The following SMARCA4 variants were observed in gnomAD, a reference collection of about 807,000 sequenced individuals.
SMARCA4 encodes the protein SWI/SNF-related matrix-associated actin-dependent regulator of chromatin subfamily A member 4.
SMARCA4 carries 31 observed loss-of-function variants against 193.9 expected under a neutral mutation model. That is an observed-to-expected ratio of 0.16 (90% CI 0.12 to 0.22). The LOEUF is 0.22. Ranked by LOEUF, SMARCA4 falls within the 10% of genes least tolerant of loss-of-function variation. SMARCA4 has a pLI of 1.00. For missense variants in SMARCA4, 1,148 were observed against 2,296.0 expected, an observed-to-expected ratio of 0.50 and a Z score of 10.22; for synonymous variants, 942 against 933.1, an observed-to-expected ratio of 1.01 and a Z score of -0.17.
intron 1 of SMARCA4, among the ~76,000 whole-genome samples, chr19:10,963,178 A>T (rs187673061): frequency 5.1e-4 from 78 of 151,898 alleles, no homozygotes; most frequent in African/African-American, 1.8e-3. Flanking sequence ...TTTGAGACTA[A>T]CCTGGGCAAC....
At chr19:10,973,005 A>T (rs1365210172) in intron 1 of SMARCA4, among the ~76,000 whole-genome samples, 1 of 151,702 alleles carries the variant, frequency 6.6e-6, no homozygotes, top group East Asian at 1.9e-4. Flanking sequence ...GCTACTTGGG[A>T]GGCCGGGGCA....
In SMARCA4 at chr19:11,003,069, A is replaced by C. The variant is rs2146095781; in HGVS notation, c.1853A>C (p.Lys618Thr). ...ETSQMSDLPV[K>T]VIHVESGKIL... ...AGCCAGATGAGCGACCTCCCGGTGA[A>C]GGTGATCCACGTGGAGAGTGGGAAG... is the stretch of plus-strand genomic sequence containing the variant. The change falls in exon 12 of 35, where the codon AAG (lysine) becomes ACG (threonine). Residue 618 changes from lysine to threonine, a missense_variant. By Grantham distance (78) the Lys-to-Thr change is moderately conservative. This residue lies in a region of SMARCA4 where 115 missense variants were observed against 175.1 expected (regional missense o/e 0.66). Coordinates refer to ENST00000344626, the MANE Select transcript of SMARCA4 (RefSeq NM_003072.5). 6.2e-7 allele frequency: 1 copy of C among 1,614,094 alleles called. No homozygotes were observed. Among genetic ancestry groups the C allele is most frequent in the Non-Finnish European group, 8.5e-7 (1 of 1,179,964 alleles).
rs762963492 is a variant in SMARCA4, at chr19:11,024,323, C to G, written c.2974-8C>G. On this transcript the variant is annotated splice_region_variant and splice_polypyrimidine_tract_variant and intron_variant, in intron 20 of 34. Coordinates refer to ENST00000344626, the MANE Select transcript of SMARCA4 (RefSeq NM_003072.5). ...TGGGCCCTCGTGAGCATTATGTGTCCCCTGCAGGTGGAGTACGTCATCAAG... is the reference window on the plus strand; with the variant it reads ...TGGGCCCTCGTGAGCATTATGTGTCGCCTGCAGGTGGAGTACGTCATCAAG... The G allele has an allele frequency of 5.6e-6, 9 of 1,597,188 alleles. No homozygotes were observed. The highest frequency in any genetic ancestry group is 1.7e-4 in the Middle Eastern group (1 of 6,058).
chr19:11,061,188 TAAAAAAAA>T (rs140377414), intron 34 of SMARCA4, among the ~76,000 whole-genome samples: 1 of 68,858 alleles, frequency 1.5e-5, no homozygotes, highest in Non-Finnish European at 2.4e-5. Flanking sequence ...ACCCTGTCTT[TAAAAAAAA>T]AAAAAAAAAT....
intron 33 of SMARCA4, 52 bp from the exon 34 acceptor site, chr19:11,059,993 G>C (rs2076766928): frequency 6.2e-7 from 1 of 1,608,118 alleles, no homozygotes; most frequent in African/African-American, 1.3e-5. Context: ...TTGCTGTGGG[G>C]GTGCTGCATT....
intron 21 of SMARCA4, among the ~76,000 whole-genome samples, 165 bp from the exon 22 acceptor site, chr19:11,025,257 G>A (rs544162068): frequency 8.6e-5 from 13 of 152,026 alleles, no homozygotes; most frequent in Non-Finnish European, 1.6e-4. Flanking sequence ...GGGGGCCTCC[G>A]GGCCTCCAGC....
chr19:11,001,742 C>T (rs149449958), intron 11 of SMARCA4, among the ~76,000 whole-genome samples: 2 of 152,216 alleles, frequency 1.3e-5, no homozygotes, highest in African/African-American at 2.4e-5. Context: ...ACACTGTGAG[C>T]GCAGCAGTTT....
intron 1 of SMARCA4, chr19:10,965,402 A>G (rs902595763): frequency 2.6e-5 from 4 of 152,384 alleles, no homozygotes; most frequent in Admixed American, 1.3e-4. Flanking sequence ...GTTAGTGCTC[A>G]TCATTTATTA....
chr19:10,982,969 C>T (rs1482812580), intron 1 of SMARCA4, among the ~76,000 whole-genome samples: 1 of 152,068 alleles, frequency 6.6e-6, no homozygotes, highest in Non-Finnish European at 1.5e-5. Context: ...CAGAGAGGGG[C>T]TATCAAAAAA....
At chr19:11,059,412 A>G (rs1431096437) in intron 32 of SMARCA4, among the ~76,000 whole-genome samples, 2 of 152,230 alleles carry the variant, frequency 1.3e-5, no homozygotes, top group Non-Finnish European at 2.9e-5. Flanking sequence ...GAGTTTGGGA[A>G]AGATGCTGGC....
chr19:11,050,079 A>G (rs1233996656), intron 30 of SMARCA4, among the ~76,000 whole-genome samples: 1 of 152,178 alleles, frequency 6.6e-6, no homozygotes. Flanking sequence ...AGCCTGGGTG[A>G]CAGTGAGACT....
intron 1 of SMARCA4, among the ~76,000 whole-genome samples, chr19:10,976,406 A>G (rs2085131788): frequency 6.6e-6 from 1 of 152,096 alleles, no homozygotes; most frequent in South Asian, 2.1e-4. Flanking sequence ...GCTGAGAACA[A>G]CACCATGCTT....
In SMARCA4 at chr19:10,984,779, CT is replaced by C. The variant is rs561437401; in HGVS notation, c.222+409del. On this transcript the variant is annotated intron_variant, in intron 2 of 34. Coordinates refer to ENST00000344626, the MANE Select transcript of SMARCA4 (RefSeq NM_003072.5). This position sits in a 1 kb window ranked among gnomAD's most constrained non-coding sequence, Gnocchi z 4.3. ...CTCGCAGAGCCGAGCAGCGGGTTCCCTTTCCTCCAAGGCGTGCCCCTCAGCC... is the reference window on the plus strand; with the variant it reads ...CTCGCAGAGCCGAGCAGCGGGTTCCCTTCCTCCAAGGCGTGCCCCTCAGCC... Among the ~76,000 whole-genome samples the C allele has an allele frequency of 1.9e-3, 286 of 152,376 alleles. No individual in the cohort carries two copies. The highest frequency in any genetic ancestry group is 3.4e-3 in the Non-Finnish European group (231 of 68,042).
In SMARCA4 at chr19:11,021,981, G is replaced by T; in HGVS notation, c.2859+14G>T. On this transcript the variant is annotated intron_variant, in intron 19 of 34. Transcript: ENST00000344626. ...ACCGGGGAAAAGGTGGGTTTGCCCA[G>T]CTGTGCCCATGCTGACGGTTCCAGG... 2 of 1,611,608 alleles carry T rather than the reference G, an allele frequency of 1.2e-6. No individual in the cohort carries two copies. The highest frequency in any genetic ancestry group is 2.2e-5 in the East Asian group (1 of 44,876).
At chr19:11,020,512 G>A (rs1452957177) in intron 18 of SMARCA4, 5 of 151,768 alleles carry the variant, frequency 3.3e-5, no homozygotes, top group African/African-American at 4.8e-5. Context: ...CTGGCCTCAA[G>A]CGATCCTCCC....
chr19:10,975,659 G>C (rs1016393252), intron 1 of SMARCA4, among the ~76,000 whole-genome samples: 1 of 152,076 alleles, frequency 6.6e-6, no homozygotes, highest in African/African-American at 2.4e-5. Context: ...GGTTGTGTGG[G>C]GGTTCTGATT....
chr19:11,020,162 G>C (rs1278555413), intron 18 of SMARCA4, among the ~76,000 whole-genome samples: 1 of 152,196 alleles, frequency 6.6e-6, no homozygotes, highest in Non-Finnish European at 1.5e-5. Context: ...ATGACTGCCT[G>C]CTGGCCTTGG....
chr19:11,049,521 G>A (rs2076140361), intron 30 of SMARCA4, among the ~76,000 whole-genome samples: 1 of 142,766 alleles, frequency 7.0e-6, no homozygotes, highest in Admixed American at 7.4e-5. Flanking sequence ...GTCTTGCTCT[G>A]TAGCCCAGGC....
intron 1 of SMARCA4, among the ~76,000 whole-genome samples, chr19:10,972,589 T>C (rs899299160): frequency 2.6e-5 from 4 of 152,128 alleles, no homozygotes; most frequent in Admixed American, 2.6e-4. Flanking sequence ...CATCAGTAAG[T>C]CCTCTGCTGT....
Sources: allele counts gnomAD v4.1 joint callset (sites outside exome capture counted in the v4.1 genomes callset), GRCh38; gene constraint gnomAD v4.1.1; regional missense constraint gnomAD v4.1.1; non-coding constraint Gnocchi (gnomAD v3.1); transcripts MANE v1.5; gene names NCBI Gene and HGNC (gene_info 2026-07-23, HGNC 2026-07-21).